Variants in PTPRN2 observed in about 807,000 individuals in gnomAD.
PTPRN2 encodes the protein protein tyrosine phosphatase receptor type N2.
Under a neutral mutation model 118.8 loss-of-function variants are expected in PTPRN2, and 74 were observed. The ratio of observed to expected loss-of-function variants is 0.62; its 90% CI spans 0.52 to 0.76. The LOEUF (loss-of-function observed/expected upper bound fraction) is 0.76, where lower values mean the gene tolerates loss of function less well. PTPRN2 is among the 30% of genes least tolerant of loss of function. The pLI is 0.00. For missense variants in PTPRN2, 1,481 were observed against 1,394.4 expected, an observed-to-expected ratio of 1.06 and a Z score of -0.99; for synonymous variants, 641 against 608.0, an observed-to-expected ratio of 1.05 and a Z score of -0.80.
intron 11 of PTPRN2, among the ~76,000 whole-genome samples, chr7:157,926,142 C>T (rs371128324): frequency 2.3e-3 from 63 of 27,132 alleles, no homozygotes; most frequent in East Asian, 8.9e-3. Context: ...GCTGAGGGTC[C>T]ACGCGTTACC....
intron 11 of PTPRN2, among the ~76,000 whole-genome samples, chr7:157,984,852 C>G (rs1803648910): frequency 6.6e-6 from 1 of 152,232 alleles, no homozygotes; most frequent in African/African-American, 2.4e-5. Context: ...GACTTCTGCA[C>G]TAGGCCCTGC....
At chr7:157,614,475 G>A (rs1180456068) in intron 15 of PTPRN2, among the ~76,000 whole-genome samples, 11 of 152,180 alleles carry the variant, frequency 7.2e-5, no homozygotes, top group Admixed American at 1.3e-4. Flanking sequence ...TTAAAAAGAC[G>A]AAAGAGACAC....
chr7:158,080,058 G>T (rs1184708377), intron 11 of PTPRN2, among the ~76,000 whole-genome samples: 1 of 152,084 alleles, frequency 6.6e-6, no homozygotes, highest in Admixed American at 6.5e-5. Flanking sequence ...GAGCAAAGGA[G>T]TTACTGAGGG....
chr7:158,063,234 G>A (rs13311178), intron 11 of PTPRN2, among the ~76,000 whole-genome samples: 1 of 151,966 alleles, frequency 6.6e-6, no homozygotes, highest in Admixed American at 6.5e-5. Flanking sequence ...GTCTAGCTAA[G>A]GGACTGTAAA....
At chr7:158,312,132 T>C (rs1801825532) in intron 3 of PTPRN2, among the ~76,000 whole-genome samples, 1 of 134,948 alleles carries the variant, frequency 7.4e-6, no homozygotes, top group Non-Finnish European at 1.5e-5. Context: ...ACACACGTGC[T>C]CACGTGTAGA....
At chr7:158,199,224 C>T (rs1449838828) in intron 4 of PTPRN2, among the ~76,000 whole-genome samples, 3 of 152,162 alleles carry the variant, frequency 2.0e-5, no homozygotes, top group African/African-American at 2.4e-5. Flanking sequence ...TAGCCCTTAG[C>T]GTGTTCTCAG....
chr7:158,123,373 C>T (rs1029282854), intron 9 of PTPRN2, among the ~76,000 whole-genome samples: 2 of 152,204 alleles, frequency 1.3e-5, no homozygotes, highest in African/African-American at 2.4e-5. Flanking sequence ...ATCCTACAGA[C>T]ACCACGGTGA....
rs142746124 is a variant in PTPRN2, at chr7:158,097,460, T to C, written c.1643+13369A>G. ...TCCCACCAGGAGAGCACATGAAGATTGATCACAGAATTAGGCTGCGTGCCC... is the reference window on the plus strand; with the variant it reads ...TCCCACCAGGAGAGCACATGAAGATCGATCACAGAATTAGGCTGCGTGCCC... On this transcript the variant is annotated intron_variant, in intron 10 of 22. Transcript: ENST00000389418. Among the ~76,000 whole-genome samples, 1,112 of 152,256 alleles carry C rather than the reference T, an allele frequency of 7.3e-3. 16 individuals are homozygous for C. The highest frequency in any genetic ancestry group is 0.026 in the African/African-American group (1,065 of 41,560).
At chr7:158,119,930 A>T (rs921706642) in intron 9 of PTPRN2, among the ~76,000 whole-genome samples, 2 of 152,120 alleles carry the variant, frequency 1.3e-5, no homozygotes, top group African/African-American at 2.4e-5. Context: ...ATTCTCAATC[A>T]CTAAAGCATG....
intron 12 of PTPRN2, among the ~76,000 whole-genome samples, chr7:157,694,658 A>G (rs558543771): frequency 6.6e-6 from 1 of 152,320 alleles, no homozygotes; most frequent in East Asian, 1.9e-4. Context: ...GGGCAGGAAA[A>G]TGTATCTTCT....
intron 2 of PTPRN2, among the ~76,000 whole-genome samples, chr7:158,440,674 G>GGGT (rs980697749): frequency 1.4e-5 from 2 of 146,586 alleles, no homozygotes; most frequent in Admixed American, 6.8e-5. Flanking sequence ...GATAGTGACA[G>GGGT]GGTGGTGGTG....
intron 11 of PTPRN2, among the ~76,000 whole-genome samples, chr7:157,932,971 A>C (rs985448801): frequency 8.2e-5 from 11 of 134,186 alleles, no homozygotes; most frequent in Admixed American, 7.3e-5. Flanking sequence ...TGACAGTTTT[A>C]GAGGAGGGGT....
chr7:158,016,135 GA>G (rs1806438148), intron 11 of PTPRN2, among the ~76,000 whole-genome samples: 1 of 152,304 alleles, frequency 6.6e-6, no homozygotes, highest in South Asian at 2.1e-4. Context: ...ATGCCTCTCA[GA>G]GAAAAAACGA....
chr7:158,197,442 A>G (rs1174754553), intron 4 of PTPRN2, among the ~76,000 whole-genome samples: 1 of 152,192 alleles, frequency 6.6e-6, no homozygotes, highest in Non-Finnish European at 1.5e-5. Flanking sequence ...GTTGATTTTC[A>G]AGAACAGATC....
chr7:157,790,875 A>G (rs988209848), intron 12 of PTPRN2, among the ~76,000 whole-genome samples: 1 of 152,238 alleles, frequency 6.6e-6, no homozygotes, highest in Non-Finnish European at 1.5e-5. Context: ...AGGGGAAGAC[A>G]TAAGTACATG....
At chr7:157,939,723 C>A (rs1292015370) in intron 11 of PTPRN2, among the ~76,000 whole-genome samples, 4 of 152,244 alleles carry the variant, frequency 2.6e-5, no homozygotes, top group Non-Finnish European at 5.9e-5. Flanking sequence ...TATCTTACAA[C>A]CTGTGTTAAT....
chr7:157,760,480 G>T (rs1802066006), intron 12 of PTPRN2, among the ~76,000 whole-genome samples: 1 of 152,044 alleles, frequency 6.6e-6, no homozygotes, highest in Non-Finnish European at 1.5e-5. Flanking sequence ...CAGAGCAGCT[G>T]CTCCACAGAA....
At chr7:158,386,038 T>C (rs1586536907) in intron 2 of PTPRN2, among the ~76,000 whole-genome samples, 2 of 72,716 alleles carry the variant, frequency 2.8e-5, no homozygotes, top group Admixed American at 1.6e-4. Context: ...GTGCCCCGAG[T>C]CCCTCCTCCC....
chr7:158,541,819 G>C, intron 1 of PTPRN2: 1 of 833,882 alleles, frequency 1.2e-6, no homozygotes, highest in Non-Finnish European at 1.4e-6. Flanking sequence ...GGGAAGCTGA[G>C]AGACTGCAGA....
Sources: allele counts gnomAD v4.1 joint callset (sites outside exome capture counted in the v4.1 genomes callset), GRCh38; gene constraint gnomAD v4.1.1; transcripts MANE v1.5; gene names NCBI Gene and HGNC (gene_info 2026-07-23, HGNC 2026-07-21).